The following HNRNPF variants were observed in gnomAD, a reference collection of about 807,000 sequenced individuals.
HNRNPF encodes the protein heterogeneous nuclear ribonucleoprotein F, also known as HnRNP F protein.
Under a neutral mutation model 26.0 loss-of-function variants are expected in HNRNPF, and 2 were observed. That is an observed-to-expected ratio of 0.08 (90% CI 0.03 to 0.24). HNRNPF has a LOEUF of 0.24. HNRNPF is among the 10% of genes least tolerant of loss of function. The probability of loss-of-function intolerance (pLI) is 1.00; values close to 1 mark genes in which losing one functional copy is unlikely to be tolerated. For missense variants in HNRNPF, 299 were observed against 539.2 expected, an observed-to-expected ratio of 0.55 and a Z score of 4.41; for synonymous variants, 234 against 211.5, an observed-to-expected ratio of 1.11 and a Z score of -0.92.
intron 3 of HNRNPF, among the ~76,000 whole-genome samples, chr10:43,391,405 T>C (rs1331776837): frequency 2.7e-5 from 4 of 149,560 alleles, no homozygotes; most frequent in Admixed American, 2.7e-4. Context: ...TTTCAGTGAG[T>C]GGAGATCGCA....
intron 3 of HNRNPF, among the ~76,000 whole-genome samples, chr10:43,388,404 C>T (rs574017823): frequency 6.6e-6 from 1 of 152,160 alleles, no homozygotes; most frequent in Admixed American, 6.5e-5. Context: ...GTTTTTAAAC[C>T]ACAACATAGG....
At chr10:43,393,859 C>G (rs1472744656) in intron 3 of HNRNPF, among the ~76,000 whole-genome samples, 3 of 152,190 alleles carry the variant, frequency 2.0e-5, no homozygotes, top group Non-Finnish European at 4.4e-5. Context: ...AGGGATGTGA[C>G]GCACATAGTT....
chr10:43,407,818 C>G (rs901441777), intron 1 of HNRNPF: 1 of 152,200 alleles, frequency 6.6e-6, no homozygotes, highest in African/African-American at 2.4e-5. Flanking sequence ...CTACGGGAAC[C>G]GGGCGTGGGA....
intron 1 of HNRNPF, among the ~76,000 whole-genome samples, chr10:43,397,498 CGG>C (rs375651092): frequency 9.8e-6 from 1 of 102,034 alleles, no homozygotes; most frequent in African/African-American, 3.7e-5. Context: ...GTGCCAGCCA[CGG>C]GGAAGGGCGG....
chr10:43,408,102 A>G (rs1328871822), intron 1 of HNRNPF, among the ~76,000 whole-genome samples: 1 of 151,380 alleles, frequency 6.6e-6, no homozygotes, highest in Non-Finnish European at 1.5e-5. Flanking sequence ...TTTTTTCTTT[A>G]CTTTTCAGTA....
chr10:43,400,112 G>A (rs992234740), intron 1 of HNRNPF, among the ~76,000 whole-genome samples: 2 of 152,118 alleles, frequency 1.3e-5, no homozygotes, highest in East Asian at 1.9e-4. Context: ...TTGGGAGGCC[G>A]AGGTGGGAGG....
chr10:43,396,913 G>C (rs1266301695), intron 1 of HNRNPF: 1 of 147,270 alleles, frequency 6.8e-6, no homozygotes, highest in Non-Finnish European at 1.5e-5. Flanking sequence ...GGGGAGGGGA[G>C]GGGAGGGGGC....
At chr10:43,393,684 T>C (rs1838346104) in intron 3 of HNRNPF, among the ~76,000 whole-genome samples, 1 of 152,070 alleles carries the variant, frequency 6.6e-6, no homozygotes, top group South Asian at 2.1e-4. Context: ...AACTCATTAC[T>C]GTCCTGCATC....
chr10:43,395,652 A>C (rs1208080313), intron 2 of HNRNPF, among the ~76,000 whole-genome samples: 4 of 152,242 alleles, frequency 2.6e-5, no homozygotes, highest in Admixed American at 6.5e-5. Context: ...AACAGTTTCA[A>C]GTACTCTGGA....
chr10:43,388,819 T>C (rs1268769744), intron 3 of HNRNPF, among the ~76,000 whole-genome samples: 1 of 152,134 alleles, frequency 6.6e-6, no homozygotes, highest in African/African-American at 2.4e-5. Flanking sequence ...GGCAGTCTTC[T>C]GAGAAAGAGG....
chr10:43,397,238 G>A (rs1838578944), intron 1 of HNRNPF: 1 of 152,278 alleles, frequency 6.6e-6, no homozygotes, highest in Admixed American at 6.5e-5. Context: ...CGGAGTCCGG[G>A]AAGCGGAGGC....
intron 1 of HNRNPF, among the ~76,000 whole-genome samples, chr10:43,406,881 G>A (rs1478933683): frequency 6.6e-6 from 1 of 152,052 alleles, no homozygotes; most frequent in Non-Finnish European, 1.5e-5. Flanking sequence ...TCTTGCTTAG[G>A]AATAAAGCAA....
chr10:43,391,996 G>C (rs1033523401), intron 3 of HNRNPF, among the ~76,000 whole-genome samples: 5 of 152,162 alleles, frequency 3.3e-5, no homozygotes, highest in African/African-American at 9.7e-5. Context: ...TGTAATCCCA[G>C]CACTTTAGGA....
chr10:43,397,285 G>C (rs990626213), intron 1 of HNRNPF: 7 of 152,212 alleles, frequency 4.6e-5, no homozygotes, highest in Admixed American at 2.6e-4. Flanking sequence ...CGTGGGTCAC[G>C]GGGTGCAGAG....
intron 3 of HNRNPF, among the ~76,000 whole-genome samples, chr10:43,389,288 A>C (rs1013259738): frequency 2.6e-5 from 4 of 152,176 alleles, no homozygotes; most frequent in Non-Finnish European, 5.9e-5. Context: ...CGAATGTTTC[A>C]AAGTGTCATT....
At chr10:43,399,450 G>A (rs1451977361) in intron 1 of HNRNPF, among the ~76,000 whole-genome samples, 1 of 152,196 alleles carries the variant, frequency 6.6e-6, no homozygotes, top group Non-Finnish European at 1.5e-5. Context: ...AATGTGTGCA[G>A]AAGACTTGAG....
chr10:43,388,385 T>C (rs543413700), intron 3 of HNRNPF, among the ~76,000 whole-genome samples: 2 of 152,314 alleles, frequency 1.3e-5, no homozygotes, highest in Admixed American at 1.3e-4. Context: ...GATGGGAACA[T>C]AGCAGGCTGT....
chr10:43,398,246 G>C lies in HNRNPF; in HGVS notation c.-246-1656C>G, dbSNP rs374774247. ...TCACCGTGTTGGCTAGGCTGGTCTC[G>C]ATATCTTGACCTCGTGATCCCCCTG... On this transcript the variant is annotated intron_variant, in intron 1 of 3. Transcript: ENST00000682386. Among the ~76,000 whole-genome samples, 3 of 151,918 alleles carry C rather than the reference G, an allele frequency of 2.0e-5. No homozygotes were observed. In the East Asian group the frequency reaches 5.8e-4, roughly 29 times the overall value.
intron 3 of HNRNPF, 48 bp downstream of exon 3, chr10:43,394,578 TAACA>T (rs893163262): frequency 6.6e-6 from 1 of 152,096 alleles, no homozygotes; most frequent in African/African-American, 2.4e-5. Context: ...AATTTGAGTA[TAACA>T]AATATAAATA....
Sources: gnomAD v4.1 joint callset for allele counts (sites outside exome capture counted in the v4.1 genomes callset) on GRCh38, gnomAD v4.1.1 for gene constraint, MANE v1.5 for transcripts, NCBI Gene and HGNC (gene_info 2026-07-23, HGNC 2026-07-21) for gene names.